Variants in COL11A2 observed in about 807,000 individuals in gnomAD.
COL11A2 encodes the protein collagen alpha-2(XI) chain.
COL11A2 carries 116 observed loss-of-function variants against 273.4 expected under a neutral mutation model. The observed-to-expected ratio is 0.42, with a 90% CI of 0.36 to 0.49. COL11A2 has a LOEUF of 0.49. Ranked by LOEUF, COL11A2 falls within the 20% of genes least tolerant of loss-of-function variation. COL11A2 has a pLI of 0.00. For synonymous variants in COL11A2, 782 were observed against 864.2 expected (o/e 0.90, Z 1.67); for missense variants, 1,866 against 2,309.0 (o/e 0.81, Z 3.93).
chr6:33,181,425 G>C (rs1771726494), intron 8 of COL11A2, among the ~76,000 whole-genome samples: 1 of 152,058 alleles, frequency 6.6e-6, no homozygotes, highest in Non-Finnish European at 1.5e-5. Flanking sequence ...CTCCCTGAGA[G>C]CCTCTTTCAG....
intron 4 of COL11A2, among the ~76,000 whole-genome samples, chr6:33,187,161 C>T (rs763631839): frequency 2.2e-4 from 33 of 149,742 alleles, no homozygotes; most frequent in East Asian, 7.7e-4. Flanking sequence ...CTCCCCTCTG[C>T]GCTTTGTGGC....
In COL11A2 at chr6:33,192,376, C is replaced by T; in HGVS notation, c.-136G>A. ...TCCCAGGGAGGTCAGAGGCTGCGGG[C>T]AGCGACAGCTGTCAGCGGCCCAGCT... On this transcript the variant is annotated 5_prime_UTR_variant, in exon 1 of 66. Coordinates refer to ENST00000341947, the MANE Select transcript of COL11A2 (RefSeq NM_080680.3). The T allele has an allele frequency of 1.2e-6, 1 of 860,690 alleles. No homozygotes were observed. The highest frequency in any genetic ancestry group is 1.9e-6 in the Non-Finnish European group (1 of 534,466). The allele number at this position is 860,690 out of a possible 1,614,324, so 53.3% of individuals were successfully genotyped here.
At chr6:33,188,798 G>A (rs2150622014) in intron 3 of COL11A2, among the ~76,000 whole-genome samples, 180 bp downstream of exon 3, 1 of 152,338 alleles carries the variant, frequency 6.6e-6, no homozygotes, top group South Asian at 2.1e-4. Context: ...TCAACATGCA[G>A]AGAAGGCTGT....
chr6:33,165,770 T>C lies in COL11A2; in HGVS notation c.4529A>G (p.Lys1510Arg). Residue 1510 changes from lysine (K) to arginine (R), a missense_variant, in exon 63 of 66, where the codon AAG becomes AGG. Lys to Arg is a conservative substitution (Grantham distance 26, BLOSUM62 2). Transcript: ENST00000341947. The surrounding 1 kb of genome is among the most constrained non-coding windows in gnomAD (Gnocchi z 7.7). ...VIQPLPIQMPKKTRRSVDGSR... is the reference protein window; with the variant it reads ...VIQPLPIQMPRKTRRSVDGSR... ...TCCATCCACCGAGCGCCGAGTCTTC[T>C]TGGGCATCTGAATGGGCAGTGGCTG... The C allele has an allele frequency of 6.2e-7, 1 of 1,613,210 alleles. No homozygotes were observed. The highest frequency in any genetic ancestry group is 1.1e-5 in the South Asian group (1 of 91,084).
chr6:33,166,930 G>A lies in COL11A2; in HGVS notation c.4231-103C>T. The A allele has an allele frequency of 2.7e-6, 4 of 1,507,332 alleles. No homozygotes were observed. Among genetic ancestry groups the A allele is most frequent in the East Asian group, 2.4e-5 (1 of 42,336 alleles). 93.4% of individuals were successfully genotyped at this position (1,507,332 alleles called of 1,614,324 possible). A position where few individuals can be genotyped will look rare whatever the true frequency, so the allele number is the denominator to read the frequency against. ...AGAGGGAGCCGGGCACAGGGTCCGTGAGTGGCCCTCACTGAGCAGGGACTC... is the reference window on the plus strand; with the variant it reads ...AGAGGGAGCCGGGCACAGGGTCCGTAAGTGGCCCTCACTGAGCAGGGACTC... On this transcript the variant is annotated intron_variant, in intron 58 of 65. Transcript: ENST00000341947. The surrounding 1 kb of genome is among the most constrained non-coding windows in gnomAD (Gnocchi z 4.8).
Position 33,166,247 on chromosome 6 carries a change from G to T in COL11A2, c.4393-41C>A, listed in dbSNP as rs1012618164. The T allele has an allele frequency of 1.9e-6, 3 of 1,581,198 alleles. No individual in the cohort carries two copies. The highest frequency in any genetic ancestry group is 2.6e-6 in the Non-Finnish European group (3 of 1,164,190). On this transcript the variant is annotated intron_variant, in intron 60 of 65. Coordinates refer to ENST00000341947, the MANE Select transcript of COL11A2 (RefSeq NM_080680.3). This position sits in a 1 kb window ranked among gnomAD's most constrained non-coding sequence, Gnocchi z 4.8. The stretch of plus-strand genomic sequence containing the variant: ...CAAGAAAGAGACGGTCACTGCAGGG[G>T]AAGGACAGGACTCAGAGGAGCGGGG...
chr6:33,185,728 C>T lies in COL11A2; in HGVS notation c.849G>A (p.Met283Ile), dbSNP rs1360975570. Residue 283 changes from methionine (M) to isoleucine (I), a missense_variant, in exon 6 of 66, where the codon ATG becomes ATA. Physicochemically the swap from Met to Ile is conservative, Grantham distance 10. Coordinates refer to ENST00000341947, the MANE Select transcript of COL11A2 (RefSeq NM_080680.3). ...GATAATCAGGGGTTGTCCCCGTAGTCATCACATCATAATAGGGGGGCTCGT... is the reference window on the plus strand; with the variant it reads ...GATAATCAGGGGTTGTCCCCGTAGTTATCACATCATAATAGGGGGGCTCGT... ...YDYEPPYYDVMTTGTTPDYQD... is the reference protein window; with the variant it reads ...YDYEPPYYDVITTGTTPDYQD... The T allele has an allele frequency of 7.3e-7, 1 of 1,360,638 alleles. No individual in the cohort carries two copies. The highest frequency in any genetic ancestry group is 4.6e-5 in the East Asian group (1 of 21,844). The allele number at this position is 1,360,638 out of a possible 1,614,324, so 84.3% of individuals were successfully genotyped here.
chr6:33,172,008 T>C, intron 41 of COL11A2, 42 bp downstream of exon 41: 1 of 1,545,816 alleles, frequency 6.5e-7, no homozygotes, highest in South Asian at 1.1e-5. Context: ...CACCCACCCC[T>C]TTCCCGGGTC....
chr6:33,167,787 C>G lies in COL11A2; in HGVS notation c.4014+12G>C. On this transcript the variant is annotated intron_variant, in intron 55 of 65. Coordinates refer to ENST00000341947, the MANE Select transcript of COL11A2 (RefSeq NM_080680.3). This position sits in a 1 kb window ranked among gnomAD's most constrained non-coding sequence, Gnocchi z 6.1. ...AGGGGATGCTCCAGCACTAGGGCAGCCTGTCCCTCACCTTGGCTCCCTTCC... is the reference window on the plus strand; with the variant it reads ...AGGGGATGCTCCAGCACTAGGGCAGGCTGTCCCTCACCTTGGCTCCCTTCC... 1.2e-6 allele frequency: 2 copies of G among 1,612,748 alleles called. No individual in the cohort carries two copies. The highest frequency in any genetic ancestry group is 1.7e-6 in the Non-Finnish European group (2 of 1,179,890).
Position 33,176,814 on chromosome 6 carries a change from C to T in COL11A2, c.2071-49G>A. On this transcript the variant is annotated intron_variant, in intron 25 of 65. Coordinates refer to ENST00000341947, the MANE Select transcript of COL11A2 (RefSeq NM_080680.3). This position sits in a 1 kb window ranked among gnomAD's most constrained non-coding sequence, Gnocchi z 4.9. The stretch of plus-strand genomic sequence containing the variant: ...TGACCAGTGGCCCCTGTCACCCTCT[C>T]TGCACCCCTCCCTACACTTCTTCCA... The T allele has an allele frequency of 6.3e-7, 1 of 1,595,438 alleles. No homozygotes were observed. The highest frequency in any genetic ancestry group is 8.6e-7 in the Non-Finnish European group (1 of 1,168,394).
chr6:33,192,165 A>G lies in COL11A2; in HGVS notation c.76T>C (p.Trp26Arg). The G allele has an allele frequency of 1.9e-6, 3 of 1,558,094 alleles. No individual in the cohort carries two copies. The highest frequency in any genetic ancestry group is 2.6e-6 in the Non-Finnish European group (3 of 1,150,708). ...GCATCAGGACTCCTCTTACCTGCCC[A>G]GCCTGGGGCCGCGCTCAGCCCCAGC... is the stretch of plus-strand genomic sequence containing the variant. ...LVLGLSAAPG[W>R]AGAPPVDVLR... Residue 26 changes from tryptophan (W) to arginine (R), a missense_variant, in exon 1 of 66, where the codon TGG becomes CGG. By Grantham distance (101) the Trp-to-Arg change is moderately radical. Coordinates refer to ENST00000341947, the MANE Select transcript of COL11A2 (RefSeq NM_080680.3).
chr6:33,189,316 A>G lies in COL11A2; in HGVS notation c.232+4T>C, dbSNP rs1380930843. 1 of 1,613,858 alleles carries G rather than the reference A, an allele frequency of 6.2e-7. No individual in the cohort carries two copies. Among genetic ancestry groups the G allele is most frequent in the Non-Finnish European group, 8.5e-7 (1 of 1,180,006 alleles). ...CCAGGCCTACCCCACCATGTCACCC[A>G]TACCTGGGAAAAGCTGGCGAGTGGG... On this transcript the variant is annotated splice_donor_region_variant and intron_variant, in intron 2 of 65. Transcript: ENST00000341947. This position sits in a 1 kb window ranked among gnomAD's most constrained non-coding sequence, Gnocchi z 5.6.
At position 33,163,371 on chromosome 6, in the gene COL11A2, T is replaced by C; in HGVS notation, c.*307A>G. On this transcript the variant is annotated 3_prime_UTR_variant, in exon 66 of 66. Transcript: ENST00000341947. This position sits in a 1 kb window ranked among gnomAD's most constrained non-coding sequence, Gnocchi z 4.1. ...TTACTTTTAAATACAAAATACGCCA[T>C]GTCCTTTCTCTTCTCTTCCATTTGT... The C allele has an allele frequency of 2.0e-6, 1 of 499,156 alleles. No individual in the cohort carries two copies. Among genetic ancestry groups the C allele is most frequent in the Non-Finnish European group, 3.6e-6 (1 of 279,880 alleles). 30.9% of individuals were successfully genotyped at this position (499,156 alleles called of 1,614,324 possible).
Position 33,173,128 on chromosome 6 carries a change from G to C in COL11A2, c.2737-15C>G, listed in dbSNP as rs753875466. Reference sequence around the variant, plus strand: ...CCTTGGAAACCCTAGGCGAGGAAGAGAGGAGAATGCAGTGAAAGCAGGTGT... The same window carrying C: ...CCTTGGAAACCCTAGGCGAGGAAGACAGGAGAATGCAGTGAAAGCAGGTGT... On this transcript the variant is annotated splice_polypyrimidine_tract_variant and intron_variant, in intron 37 of 65. Transcript: ENST00000341947. The surrounding 1 kb of genome is among the most constrained non-coding windows in gnomAD (Gnocchi z 6.3). 8.7e-6 allele frequency: 14 copies of C among 1,609,704 alleles called. No homozygotes were observed. In the South Asian group the frequency reaches 1.2e-4, roughly 14 times the overall value.
rs1771195995 is a variant in COL11A2, at chr6:33,178,251, T to G, written c.1818+57A>C. ...AAACTGTGTCCCTTTAGTGCTCATG[T>G]CCCCCTCCTGGCTTCCCCAGAGCCC... On this transcript the variant is annotated intron_variant, in intron 20 of 65. Coordinates refer to ENST00000341947, the MANE Select transcript of COL11A2 (RefSeq NM_080680.3). The surrounding 1 kb of genome is among the most constrained non-coding windows in gnomAD (Gnocchi z 4.6). 1 of 1,611,778 alleles carries G rather than the reference T, an allele frequency of 6.2e-7. No homozygotes were observed. The highest frequency in any genetic ancestry group is 8.5e-7 in the Non-Finnish European group (1 of 1,179,652).
Position 33,173,923 on chromosome 6 carries a change from G to A in COL11A2, c.2533C>T (p.Pro845Ser), listed in dbSNP as rs200993927. ...GPRGERGPTG[P>S]RGQRGPRGAT... ...CCTCGGGGTCCCCGCTGACCCCGTG[G>A]ACCCTACAGAGGGAAGAGGAGTTGT... Residue 845 changes from proline (P) to serine (S), a missense_variant, in exon 34 of 66, where the codon CCA becomes TCA. Coordinates refer to ENST00000341947, the MANE Select transcript of COL11A2 (RefSeq NM_080680.3). The surrounding 1 kb of genome is among the most constrained non-coding windows in gnomAD (Gnocchi z 6.3). 4.0e-5 allele frequency: 65 copies of A among 1,613,948 alleles called. No individual in the cohort carries two copies. Among genetic ancestry groups the A allele is most frequent in the Non-Finnish European group, 3.1e-5 (37 of 1,179,990 alleles).
chr6:33,163,604 G>T lies in COL11A2; in HGVS notation c.*74C>A. 6.2e-7 allele frequency: 1 copy of T among 1,608,820 alleles called. No homozygotes were observed. Among genetic ancestry groups the T allele is most frequent in the South Asian group, 1.1e-5 (1 of 91,016 alleles). ...TAGATAGTGAGGAGCCCTCTTGGGA[G>T]GTGGCACAGAGCTGATGTTGTGGGA... On this transcript the variant is annotated 3_prime_UTR_variant, in exon 66 of 66. Coordinates refer to ENST00000341947, the MANE Select transcript of COL11A2 (RefSeq NM_080680.3). The surrounding 1 kb of genome is among the most constrained non-coding windows in gnomAD (Gnocchi z 4.1).
chr6:33,184,924 G>A, intron 7 of COL11A2, 68 bp downstream of exon 7: 2 of 1,334,912 alleles, frequency 1.5e-6, no homozygotes, highest in Non-Finnish European at 2.1e-6. Flanking sequence ...AAGACGTCAT[G>A]GGCTGAGGGG....
At position 33,189,207 on chromosome 6, in the gene COL11A2, A is replaced by G; in HGVS notation, c.233-19T>C. The G allele has an allele frequency of 6.2e-7, 1 of 1,613,358 alleles. No individual in the cohort carries two copies. The highest frequency in any genetic ancestry group is 8.5e-7 in the Non-Finnish European group (1 of 1,179,584). ...AATCCTCCTAGTAACCGAGAGAGAT[A>G]CACACAGAGTGAGAGGCAAAGGGAG... On this transcript the variant is annotated intron_variant, in intron 2 of 65. Coordinates refer to ENST00000341947, the MANE Select transcript of COL11A2 (RefSeq NM_080680.3). This position sits in a 1 kb window ranked among gnomAD's most constrained non-coding sequence, Gnocchi z 5.6.
Sources: allele counts gnomAD v4.1 joint callset (sites outside exome capture counted in the v4.1 genomes callset), GRCh38; gene constraint gnomAD v4.1.1; non-coding constraint Gnocchi (gnomAD v3.1); transcripts MANE v1.5; gene names NCBI Gene and HGNC (gene_info 2026-07-23, HGNC 2026-07-21).